The following PTPRT variants were observed in gnomAD, a reference collection of about 807,000 sequenced individuals.
PTPRT encodes protein tyrosine phosphatase receptor type T.
PTPRT carries 56 observed loss-of-function variants against 176.8 expected under a neutral mutation model. The ratio of observed to expected loss-of-function variants is 0.32; its 90% confidence interval spans 0.26 to 0.40. PTPRT has a LOEUF of 0.40. Ranked by LOEUF, PTPRT falls within the 10% of genes least tolerant of loss-of-function variation. The pLI is 1.00. For synonymous variants in PTPRT, 783 were observed against 739.0 expected, an observed-to-expected ratio of 1.06 and a Z score of -0.96; for missense variants, 1,540 against 1,908.2, an observed-to-expected ratio of 0.81 and a Z score of 3.60.
intron 18 of PTPRT, among the ~76,000 whole-genome samples, chr20:42,132,463 C>T (rs963128891): frequency 5.3e-5 from 8 of 152,128 alleles, no homozygotes; most frequent in Admixed American, 1.3e-4. Flanking sequence ...ACAACAAACT[C>T]TTAAAACTCA....
intron 1 of PTPRT, among the ~76,000 whole-genome samples, chr20:43,035,047 A>C (rs1432644925): frequency 1.3e-5 from 2 of 152,180 alleles, no homozygotes; most frequent in Non-Finnish European, 2.9e-5. Flanking sequence ...TCACAGCAGA[A>C]TAAACAGAGA....
intron 6 of PTPRT, among the ~76,000 whole-genome samples, chr20:42,744,078 G>A (rs1251052545): frequency 6.6e-6 from 1 of 152,214 alleles, no homozygotes; most frequent in Non-Finnish European, 1.5e-5. Flanking sequence ...TGACCAGCTG[G>A]GCTGGCTGGG....
chr20:42,448,088 T>C (rs2070764639), intron 9 of PTPRT, 132 bp downstream of exon 9: 1 of 732,820 alleles, frequency 1.4e-6, no homozygotes. Context: ...CCCATTGTAC[T>C]GTCAGAAACC....
At chr20:42,355,105 T>C (rs564700644) in intron 9 of PTPRT, among the ~76,000 whole-genome samples, 1 of 152,170 alleles carries the variant, frequency 6.6e-6, no homozygotes, top group Admixed American at 6.5e-5. Flanking sequence ...GAGGACTTTC[T>C]CCATGGGTGC....
chr20:43,169,321 TCTC>T (rs1323937295), intron 1 of PTPRT, among the ~76,000 whole-genome samples: 1 of 152,214 alleles, frequency 6.6e-6, no homozygotes, highest in East Asian at 1.9e-4. Context: ...ATCTATTTTT[TCTC>T]CTCCTGACAT....
intron 7 of PTPRT, among the ~76,000 whole-genome samples, chr20:42,619,846 A>AT (rs2074154588): frequency 7.8e-6 from 1 of 128,346 alleles, no homozygotes; most frequent in Admixed American, 7.3e-5. Context: ...ATTCTTCTAA[A>AT]TTTTTTTCAA....
chr20:42,560,364 C>A (rs2072932160), intron 7 of PTPRT, among the ~76,000 whole-genome samples: 2 of 152,272 alleles, frequency 1.3e-5, no homozygotes, highest in Admixed American at 1.3e-4. Context: ...CAGCATTTCT[C>A]AACCTCAGTT....
intron 9 of PTPRT, among the ~76,000 whole-genome samples, chr20:42,396,792 T>C (rs1600952542): frequency 6.6e-6 from 1 of 152,276 alleles, no homozygotes; most frequent in South Asian, 2.1e-4. Context: ...CCTGACCTCA[T>C]GGTTATCTGC....
intron 6 of PTPRT, among the ~76,000 whole-genome samples, chr20:42,720,779 A>G (rs1197928819): frequency 2.6e-5 from 4 of 152,170 alleles, no homozygotes; most frequent in African/African-American, 9.7e-5. Flanking sequence ...TTTTCAAGAT[A>G]TTTTGTCAGA....
In PTPRT at chr20:43,061,092, A is replaced by G. The variant is rs534449377; in HGVS notation, c.88+128554T>C. ...AGTGGATGGGCGGATAAATGAATGG[A>G]TGGATGGATGGATGGATGGATGGAT... On this transcript the variant is annotated intron_variant, in intron 1 of 30. Coordinates refer to ENST00000373187, the MANE Select transcript of PTPRT (RefSeq NM_007050.6). Among the ~76,000 whole-genome samples the G allele has an allele frequency of 8.2e-4, 114 of 138,490 alleles. 2 individuals are homozygous for G. The South Asian group carries it at 0.021, about 26-fold the overall frequency. 90.9% of individuals were successfully genotyped at this position (138,490 alleles called of 152,430 possible).
intron 1 of PTPRT, among the ~76,000 whole-genome samples, chr20:43,050,480 C>T (rs1987000296): frequency 6.6e-6 from 1 of 152,194 alleles, no homozygotes; most frequent in Non-Finnish European, 1.5e-5. Flanking sequence ...CCAGCTCTCC[C>T]TCATACGGCG....
At chr20:42,204,385 A>G (rs1191158651) in intron 15 of PTPRT, among the ~76,000 whole-genome samples, 1 of 152,172 alleles carries the variant, frequency 6.6e-6, no homozygotes, top group African/African-American at 2.4e-5. Flanking sequence ...AAACTCAAGT[A>G]CTTATGACTT....
intron 6 of PTPRT, among the ~76,000 whole-genome samples, chr20:42,752,991 G>A (rs763179232): frequency 3.3e-5 from 5 of 152,140 alleles, no homozygotes; most frequent in Admixed American, 6.5e-5. Context: ...GGGGCAGGGG[G>A]TGAGGGTAGG....
intron 12 of PTPRT, among the ~76,000 whole-genome samples, chr20:42,313,971 C>A (rs2057675373): frequency 6.6e-6 from 1 of 152,166 alleles, no homozygotes; most frequent in South Asian, 2.1e-4. Flanking sequence ...TCTCACCAAG[C>A]ACTGACTGCC....
chr20:42,758,495 A>C (rs75977000), intron 5 of PTPRT, among the ~76,000 whole-genome samples: 1,599 of 152,284 alleles, frequency 0.011, 12 homozygotes, highest in African/African-American at 0.021. Flanking sequence ...GCTCCAGGCT[A>C]CAGGCTACAG....
At chr20:43,175,315 C>G (rs2015099607) in intron 1 of PTPRT, among the ~76,000 whole-genome samples, 1 of 152,248 alleles carries the variant, frequency 6.6e-6, no homozygotes, top group Non-Finnish European at 1.5e-5. Context: ...CTGCATGATG[C>G]AGGGGTGTTA....
At chr20:42,542,496 C>T (rs903473960) in intron 7 of PTPRT, among the ~76,000 whole-genome samples, 1 of 152,008 alleles carries the variant, frequency 6.6e-6, no homozygotes, top group Non-Finnish European at 1.5e-5. Context: ...ACATTTTAGA[C>T]AGGACAAGTT....
chr20:42,940,114 T>A (rs1365920553), intron 1 of PTPRT, among the ~76,000 whole-genome samples: 1 of 152,226 alleles, frequency 6.6e-6, no homozygotes, highest in Non-Finnish European at 1.5e-5. Context: ...TTACTTTAGT[T>A]CTACCAGTGA....
chr20:42,236,295 CA>C, intron 14 of PTPRT, 37 bp from the exon 15 acceptor site: 2 of 1,497,578 alleles, frequency 1.3e-6, no homozygotes, highest in Non-Finnish European at 1.8e-6. Context: ...AGGAAATGTC[CA>C]AAATGGGGGA....
Sources: allele counts gnomAD v4.1 joint callset (sites outside exome capture counted in the v4.1 genomes callset), GRCh38; gene constraint gnomAD v4.1.1; transcripts MANE v1.5; gene names NCBI Gene and HGNC (gene_info 2026-07-23, HGNC 2026-07-21).